Variants in KCNK18 observed in about 807,000 individuals in gnomAD.
KCNK18 encodes potassium channel subfamily K member 18.
KCNK18 carries 8 observed loss-of-function variants against 11.8 expected under a neutral mutation model. The observed-to-expected ratio is 0.68, with a 90% confidence interval of 0.40 to 1.22. The LOEUF (loss-of-function observed/expected upper bound fraction) is 1.22. Among genes scored for constraint, KCNK18 ranks in the 50% most tolerant of loss-of-function variants. KCNK18 has a pLI of 0.01. For synonymous variants in KCNK18, 208 were observed against 185.8 expected, an observed-to-expected ratio of 1.12 and a Z score of -0.97; for missense variants, 442 against 465.4, an observed-to-expected ratio of 0.95 and a Z score of 0.46.
At position 117,197,529 on chromosome 10, in the gene KCNK18, C is replaced by T; in HGVS notation, c.41C>T (p.Pro14Leu). The change falls in exon 1 of 3, where the codon CCA (proline) becomes CTA (leucine). Residue 14 changes from proline (P) to leucine (L), a missense_variant. Physicochemically the swap from Pro to Leu is moderately conservative, Grantham distance 98. Coordinates refer to ENST00000334549, the MANE Select transcript of KCNK18 (RefSeq NM_181840.1). ...SGHPQARRCC[P>L]EALGKLFPGL... ...CACCCCCAGGCCAGGAGATGCTGCC[C>T]AGAGGCCCTGGGAAAGCTCTTCCCT... 6.2e-7 allele frequency: 1 copy of T among 1,614,040 alleles called. No individual in the cohort carries two copies. The highest frequency in any genetic ancestry group is 8.5e-7 in the Non-Finnish European group (1 of 1,180,046).
At chr10:117,208,219 C>T (rs1406787209) in intron 2 of KCNK18, among the ~76,000 whole-genome samples, 4 of 152,292 alleles carry the variant, frequency 2.6e-5, no homozygotes, top group African/African-American at 4.8e-5. Flanking sequence ...CAAGCTACTT[C>T]GTTTCTCTGT....
At chr10:117,198,812 C>T (rs1433539541) in intron 1 of KCNK18, among the ~76,000 whole-genome samples, 2 of 152,140 alleles carry the variant, frequency 1.3e-5, no homozygotes, top group African/African-American at 4.8e-5. Context: ...GCATCCTTGC[C>T]AGACAGACGC....
At chr10:117,202,071 C>T (rs942604761) in intron 2 of KCNK18, among the ~76,000 whole-genome samples, 1 of 152,228 alleles carries the variant, frequency 6.6e-6, no homozygotes, top group Admixed American at 6.5e-5. Flanking sequence ...GCCCCTGCCC[C>T]TCTTGGCTGG....
At chr10:117,200,359 T>A (rs909759410) in intron 1 of KCNK18, among the ~76,000 whole-genome samples, 1 of 152,208 alleles carries the variant, frequency 6.6e-6, no homozygotes, top group Non-Finnish European at 1.5e-5. Flanking sequence ...ATTATAGGCG[T>A]GAGCCATCGT....
intron 2 of KCNK18, among the ~76,000 whole-genome samples, chr10:117,201,787 A>G (rs1420508862): frequency 6.6e-6 from 1 of 152,072 alleles, no homozygotes; most frequent in Admixed American, 6.5e-5. Context: ...TGATCAGGAG[A>G]GTGGTAGGGG....
intron 1 of KCNK18, 41 bp from the exon 2 acceptor site, chr10:117,201,118 C>A (rs1448085143): frequency 6.2e-7 from 1 of 1,613,246 alleles, no homozygotes; most frequent in Non-Finnish European, 8.5e-7. Flanking sequence ...TCTTTACCAG[C>A]AGAACCTTTT....
At chr10:117,199,544 T>G (rs1854989622) in intron 1 of KCNK18, among the ~76,000 whole-genome samples, 2 of 152,224 alleles carry the variant, frequency 1.3e-5, no homozygotes, top group Admixed American at 1.3e-4. Flanking sequence ...GTCCTTCTTT[T>G]ACAGATTAGG....
intron 2 of KCNK18, among the ~76,000 whole-genome samples, chr10:117,208,839 C>T (rs1322087775): frequency 1.3e-5 from 2 of 151,440 alleles, no homozygotes; most frequent in East Asian, 1.9e-4. Context: ...CTCCCGGCTT[C>T]AAGTGATTCT....
chr10:117,207,526 A>T (rs1855090836), intron 2 of KCNK18, among the ~76,000 whole-genome samples: 2 of 152,232 alleles, frequency 1.3e-5, no homozygotes, highest in Admixed American at 1.3e-4. Context: ...TGCATGCAGT[A>T]AGCACTCAAT....
Position 117,210,280 on chromosome 10 carries a change from A to G in KCNK18, c.1136A>G (p.Tyr379Cys). The change falls in exon 3 of 3, where the codon TAC becomes TGC. Residue 379 changes from tyrosine (Y) to cysteine (C), a missense_variant. Transcript: ENST00000334549. ...CTATTCTTTGCAAAAGGGAAGTTTT[A>G]CCACCTTGTTAAAAAGTGAAGGTTT... ...VMLFFAKGKF[Y>C]HLVKK 2 of 1,613,656 alleles carry G rather than the reference A, an allele frequency of 1.2e-6. No individual in the cohort carries two copies. Among genetic ancestry groups the G allele is most frequent in the Non-Finnish European group, 1.7e-6 (2 of 1,179,844 alleles).
chr10:117,207,182 T>A (rs1479378506), intron 2 of KCNK18, among the ~76,000 whole-genome samples: 2 of 152,118 alleles, frequency 1.3e-5, no homozygotes, highest in African/African-American at 4.8e-5. Flanking sequence ...GTATGCGCCA[T>A]CACACCTGGC....
intron 2 of KCNK18, among the ~76,000 whole-genome samples, chr10:117,202,401 A>C (rs1855023654): frequency 6.6e-6 from 1 of 152,230 alleles, no homozygotes. Context: ...CGCAAGGAGA[A>C]TGTCACCTTC....
intron 2 of KCNK18, among the ~76,000 whole-genome samples, chr10:117,201,935 G>A (rs780960028): frequency 3.9e-5 from 6 of 152,250 alleles, no homozygotes; most frequent in Non-Finnish European, 8.8e-5. Flanking sequence ...TGGGGCAGCA[G>A]TGGGGCCAGG....
At chr10:117,209,363 A>C in intron 2 of KCNK18, 134 bp from the exon 3 acceptor site, 1 of 825,664 alleles carries the variant, frequency 1.2e-6, no homozygotes, top group East Asian at 2.4e-5. Context: ...GAATGCTTTG[A>C]GATGAGTATT....
Position 117,209,987 on chromosome 10 carries a change from C to T in KCNK18, c.843C>T (p.Ile281=). ...GACAGCAGGTGGAGAGGTTGGACAT[C>T]CCCCTCCCCATCATTGCCCTTATTG... ...EVGQQVERLD[I]PLPIIALIVF... The change falls in exon 3 of 3, where the codon ATC becomes ATT. Residue 281 remains isoleucine, a synonymous_variant. Transcript: ENST00000334549. 1.2e-6 allele frequency: 2 copies of T among 1,614,154 alleles called. No individual in the cohort carries two copies. Among genetic ancestry groups the T allele is most frequent in the Middle Eastern group, 1.6e-4 (1 of 6,062 alleles).
chr10:117,206,448 T>C (rs1160886807), intron 2 of KCNK18, among the ~76,000 whole-genome samples: 5 of 152,212 alleles, frequency 3.3e-5, no homozygotes, highest in Non-Finnish European at 7.3e-5. Context: ...CTTCCTCATC[T>C]TGAGATCCTT....
At chr10:117,198,014 T>G (rs970132345) in intron 1 of KCNK18, among the ~76,000 whole-genome samples, 4 of 152,068 alleles carry the variant, frequency 2.6e-5, no homozygotes, top group African/African-American at 9.7e-5. Flanking sequence ...TCCAGACCAG[T>G]GGCCTCAGGG....
intron 2 of KCNK18, among the ~76,000 whole-genome samples, chr10:117,206,283 G>A (rs1054723693): frequency 6.6e-6 from 1 of 152,054 alleles, no homozygotes; most frequent in African/African-American, 2.4e-5. Context: ...GCTTCTGGTG[G>A]CTGCCAGCAT....
rs769564486 is a variant in KCNK18, at chr10:117,210,028, C to T, written c.884C>T (p.Ser295Phe). 34 of 1,614,086 alleles carry T rather than the reference C, an allele frequency of 2.1e-5. No homozygotes were observed. The highest frequency in any genetic ancestry group is 2.7e-5 in the Non-Finnish European group (32 of 1,180,044). The part of the protein sequence containing the change: ...IIALIVFAYI[S>F]CAAAILPFWE... Reference sequence around the variant, plus strand: ...GCCCTTATTGTTTTTGCCTACATTTCCTGTGCAGCTGCCATCCTCCCCTTC... The same window carrying T: ...GCCCTTATTGTTTTTGCCTACATTTTCTGTGCAGCTGCCATCCTCCCCTTC... Residue 295 changes from serine to phenylalanine, a missense_variant, in exon 3 of 3, where the codon TCC (serine) becomes TTC (phenylalanine). Coordinates refer to ENST00000334549, the MANE Select transcript of KCNK18 (RefSeq NM_181840.1).
Sources: gnomAD v4.1 joint callset for allele counts (sites outside exome capture counted in the v4.1 genomes callset) on GRCh38, gnomAD v4.1.1 for gene constraint, MANE v1.5 for transcripts, NCBI Gene and HGNC (gene_info 2026-07-23, HGNC 2026-07-21) for gene names.